The following UBL3 variants were observed in gnomAD, a reference collection of about 807,000 sequenced individuals.
The protein encoded by UBL3 is ubiquitin-like protein 3.
UBL3 carries 6 observed loss-of-function variants against 18.4 expected under a neutral mutation model. The observed-to-expected ratio is 0.33, with a 90% CI of 0.18 to 0.64. UBL3 has a LOEUF of 0.64. UBL3 is among the 30% of genes least tolerant of loss of function. UBL3 has a pLI of 0.76. For synonymous variants in UBL3, 49 were observed against 46.6 expected (o/e 1.05, Z -0.21); for missense variants, 109 against 142.9 (o/e 0.76, Z 1.21).
intron 1 of UBL3, among the ~76,000 whole-genome samples, chr13:29,823,841 AT>A (rs1454307805): frequency 6.6e-6 from 1 of 150,718 alleles, no homozygotes; most frequent in Non-Finnish European, 1.5e-5. Flanking sequence ...GTATCTCCTA[AT>A]GCTATCCCTC....
chr13:29,842,689 C>T (rs906132158), intron 1 of UBL3, among the ~76,000 whole-genome samples: 1 of 152,166 alleles, frequency 6.6e-6, no homozygotes, highest in South Asian at 2.1e-4. Context: ...CTAGAAAGTA[C>T]ACAACAAATA....
Position 29,835,136 on chromosome 13 carries a change from ATATAT to A in UBL3, c.27+14371_27+14375del, listed in dbSNP as rs1878913602. 2.2e-3 allele frequency among the ~76,000 whole-genome samples: 19 copies of A among 8,730 alleles called. 1 individual carries two copies. The highest frequency in any genetic ancestry group is 4.5e-3 in the South Asian group (1 of 222). 5.7% of individuals were successfully genotyped at this position (8,730 alleles called of 152,430 possible). A position where few individuals can be genotyped will look rare whatever the true frequency, so the allele number is the denominator to read the frequency against. Reference sequence around the variant, plus strand: ...TATATATATATATAAATATATATATATATATATATATATATATATATATATATATA... The same window carrying A: ...TATATATATATATAAATATATATATAATATATATATATATATATATATATA... On this transcript the variant is annotated intron_variant, in intron 1 of 4. Coordinates refer to ENST00000380680, the MANE Select transcript of UBL3 (RefSeq NM_007106.4).
intron 1 of UBL3, among the ~76,000 whole-genome samples, chr13:29,816,754 C>CAAAA (rs57272367): frequency 9.4e-5 from 4 of 42,624 alleles, no homozygotes; most frequent in Non-Finnish European, 1.6e-4. Flanking sequence ...GACCCTGTCT[C>CAAAA]AAAAAAAAAA....
chr13:29,790,761 T>C (rs917547922), intron 1 of UBL3, among the ~76,000 whole-genome samples: 44 of 139,326 alleles, frequency 3.2e-4, no homozygotes, highest in African/African-American at 1.1e-3. Context: ...ACAGAACTAG[T>C]GTTTGGTTAA....
intron 1 of UBL3, among the ~76,000 whole-genome samples, chr13:29,783,032 G>C (rs762609881): frequency 3.3e-5 from 5 of 152,222 alleles, no homozygotes; most frequent in Non-Finnish European, 4.4e-5. Context: ...GTGCAGACTA[G>C]AAAGGTCAGA....
chr13:29,825,135 T>A (rs576595465), intron 1 of UBL3, among the ~76,000 whole-genome samples: 1 of 152,308 alleles, frequency 6.6e-6, no homozygotes, highest in East Asian at 1.9e-4. Context: ...TGAAGTCAGG[T>A]AATGTGATGC....
chr13:29,777,808 C>T (rs1241330176), intron 1 of UBL3, among the ~76,000 whole-genome samples: 1 of 151,948 alleles, frequency 6.6e-6, no homozygotes, highest in African/African-American at 2.4e-5. Context: ...GCTCTGTCAC[C>T]CAGGCTGGAG....
chr13:29,795,901 C>T (rs1327380317), intron 1 of UBL3, among the ~76,000 whole-genome samples: 2 of 151,196 alleles, frequency 1.3e-5, no homozygotes, highest in South Asian at 2.1e-4. Flanking sequence ...CACTGCACTA[C>T]AGCCTGGGTG....
intron 1 of UBL3, among the ~76,000 whole-genome samples, chr13:29,780,644 T>G (rs1034593637): frequency 2.0e-5 from 3 of 151,972 alleles, no homozygotes; most frequent in African/African-American, 7.3e-5. Flanking sequence ...TATTCATGGG[T>G]TGCTAAACAA....
chr13:29,779,965 T>C (rs1487486829), intron 1 of UBL3, among the ~76,000 whole-genome samples: 4 of 152,148 alleles, frequency 2.6e-5, no homozygotes, highest in African/African-American at 9.7e-5. Flanking sequence ...CTCCCTCTTC[T>C]CTTCCTGCCC....
intron 1 of UBL3, among the ~76,000 whole-genome samples, chr13:29,833,086 C>T (rs1161700665): frequency 1.3e-5 from 2 of 152,164 alleles, no homozygotes; most frequent in African/African-American, 2.4e-5. Context: ...GGCTGGAATG[C>T]GGCCCAACTG....
At chr13:29,768,577 T>A (rs928666534) in intron 3 of UBL3, among the ~76,000 whole-genome samples, 5 of 152,078 alleles carry the variant, frequency 3.3e-5, no homozygotes, top group African/African-American at 7.2e-5. Flanking sequence ...TAAAACCTGC[T>A]CTATAGGATG....
intron 1 of UBL3, among the ~76,000 whole-genome samples, chr13:29,846,285 C>G (rs982344282): frequency 6.6e-6 from 1 of 152,068 alleles, no homozygotes; most frequent in Non-Finnish European, 1.5e-5. Flanking sequence ...CTAGTTCAAA[C>G]TCAATCACTC....
At chr13:29,799,279 G>A (rs1877699139) in intron 1 of UBL3, among the ~76,000 whole-genome samples, 1 of 152,150 alleles carries the variant, frequency 6.6e-6, no homozygotes, top group South Asian at 2.1e-4. Flanking sequence ...GTCTCCTAGG[G>A]GGCAAAATTG....
intron 1 of UBL3, among the ~76,000 whole-genome samples, chr13:29,783,013 C>G (rs542576534): frequency 2.2e-4 from 33 of 152,280 alleles, no homozygotes; most frequent in African/African-American, 7.5e-4. Context: ...TTTTAAGATG[C>G]AACTGAAAGT....
In UBL3 at chr13:29,808,417, T is replaced by C. The variant is rs542785372; in HGVS notation, c.28-31154A>G. Among the ~76,000 whole-genome samples, 11 of 152,254 alleles carry C rather than the reference T, an allele frequency of 7.2e-5. 1 individual carries two copies. In the South Asian group the frequency reaches 2.3e-3, roughly 32 times the overall value. On this transcript the variant is annotated intron_variant, in intron 1 of 4. Transcript: ENST00000380680. ...TGATTTATGAAGACATTCTAATATG[T>C]TACCACTCAACCTTTTGATTTTTCC...
At chr13:29,836,085 G>C (rs887184168) in intron 1 of UBL3, among the ~76,000 whole-genome samples, 2 of 152,152 alleles carry the variant, frequency 1.3e-5, no homozygotes, top group African/African-American at 2.4e-5. Flanking sequence ...CAATAGTCCA[G>C]GAGAGAGAGG....
intron 1 of UBL3, among the ~76,000 whole-genome samples, chr13:29,795,301 G>T (rs1349268970): frequency 6.6e-6 from 1 of 151,624 alleles, no homozygotes; most frequent in South Asian, 2.1e-4. Context: ...TTTCCAAAGG[G>T]GAAAAAATGA....
chr13:29,823,291 C>T (rs1238418199), intron 1 of UBL3, among the ~76,000 whole-genome samples: 15 of 152,196 alleles, frequency 9.9e-5, no homozygotes, highest in African/African-American at 2.2e-4. Flanking sequence ...TACAGGCATG[C>T]GCCACCACGC....
Sources: allele counts gnomAD v4.1 joint callset (sites outside exome capture counted in the v4.1 genomes callset), GRCh38; gene constraint gnomAD v4.1.1; transcripts MANE v1.5; gene names NCBI Gene and HGNC (gene_info 2026-07-23, HGNC 2026-07-21).